Variants in CDKN2B-AS1 observed in about 807,000 individuals in gnomAD.
The protein encoded by CDKN2B-AS1 is CDKN2B and CDKN2A antisense cis and trans regulatory RNA 1, also known as CDKN2B antisense RNA 1 (non-protein coding).
intron 1 of CDKN2B-AS1, among the ~76,000 whole-genome samples, chr9:22,041,833 A>G (rs1037163180): frequency 6.6e-6 from 1 of 152,084 alleles, no homozygotes; most frequent in Non-Finnish European, 1.5e-5. Context: ...AGAAATCACC[A>G]GAAGCAATAG....
At chr9:22,124,994 C>T (rs1474307032) in intron 4 of CDKN2B-AS1, among the ~76,000 whole-genome samples, 8 of 152,240 alleles carry the variant, frequency 5.3e-5, no homozygotes. Context: ...ATTATTCAGA[C>T]CTAGTTTCTC....
chr9:22,062,259 A>T (rs1263132672), intron 4 of CDKN2B-AS1, among the ~76,000 whole-genome samples: 10 of 152,178 alleles, frequency 6.6e-5, no homozygotes. Context: ...ATGATGAATG[A>T]ATTTATTTTT....
intron 4 of CDKN2B-AS1, among the ~76,000 whole-genome samples, chr9:22,074,551 T>G (rs1309842621): frequency 6.6e-6 from 1 of 152,212 alleles, no homozygotes; most frequent in East Asian, 1.9e-4. Context: ...TTGTTTCCTT[T>G]TGTTTCCTTG....
At chr9:22,106,466 C>T (rs1343420265) in intron 4 of CDKN2B-AS1, among the ~76,000 whole-genome samples, 1 of 152,226 alleles carries the variant, frequency 6.6e-6, no homozygotes, top group East Asian at 1.9e-4. Flanking sequence ...ATCTGCCCAC[C>T]TTGGCTTCCC....
intron 1 of CDKN2B-AS1, among the ~76,000 whole-genome samples, chr9:22,026,689 T>A (rs966757949): frequency 6.6e-6 from 1 of 152,130 alleles, no homozygotes; most frequent in African/African-American, 2.4e-5. Context: ...TCCTGGGGTA[T>A]GTTTGGGGGT....
At chr9:22,111,411 G>A (rs1825801751) in intron 4 of CDKN2B-AS1, among the ~76,000 whole-genome samples, 1 of 152,148 alleles carries the variant, frequency 6.6e-6, no homozygotes, top group Non-Finnish European at 1.5e-5. Context: ...ACAAAGCTCA[G>A]TCTGACTAAT....
At chr9:22,008,959 A>G (rs369397388) in intron 1 of CDKN2B-AS1, 56 of 1,613,008 alleles carry the variant, frequency 3.5e-5, no homozygotes, top group Non-Finnish European at 4.6e-5. Context: ...CGCATTCCGC[A>G]GCCCCCAGAC....
intron 4 of CDKN2B-AS1, among the ~76,000 whole-genome samples, chr9:22,075,859 T>C (rs1824471233): frequency 2.0e-5 from 3 of 152,150 alleles, no homozygotes; most frequent in Non-Finnish European, 2.9e-5. Context: ...TTTCTGGGAC[T>C]GTTAGAGCAG....
intron 4 of CDKN2B-AS1, among the ~76,000 whole-genome samples, chr9:22,111,174 A>G (rs1041534305): frequency 2.0e-5 from 3 of 152,060 alleles, no homozygotes; most frequent in African/African-American, 7.2e-5. Flanking sequence ...TGGCGTGTAT[A>G]TGTATGTATC....
intron 4 of CDKN2B-AS1, among the ~76,000 whole-genome samples, chr9:22,104,305 T>G (rs1825584734): frequency 6.6e-6 from 1 of 152,188 alleles, no homozygotes; most frequent in African/African-American, 2.4e-5. Flanking sequence ...TGGTTAGAAG[T>G]GCAAAGGAAA....
At chr9:22,096,932 C>T (rs1427434938) in intron 4 of CDKN2B-AS1, among the ~76,000 whole-genome samples, 2 of 152,108 alleles carry the variant, frequency 1.3e-5, no homozygotes, top group Admixed American at 6.6e-5. Flanking sequence ...TGCTGGTTCC[C>T]AGAGATCCCT....
chr9:22,118,106 C>T (rs1826000627), intron 4 of CDKN2B-AS1: 1 of 152,294 alleles, frequency 6.6e-6, no homozygotes, highest in Non-Finnish European at 1.5e-5. Context: ...ATGTTTCTAA[C>T]AAAGGAGAGA....
chr9:22,104,587 C>T, intron 4 of CDKN2B-AS1, among the ~76,000 whole-genome samples: 1 of 152,194 alleles, frequency 6.6e-6, no homozygotes, highest in East Asian at 1.9e-4. Flanking sequence ...CGTACCTCTC[C>T]TACATGCTGG....
At chr9:22,067,840 C>T (rs1824123465) in intron 4 of CDKN2B-AS1, among the ~76,000 whole-genome samples, 1 of 152,174 alleles carries the variant, frequency 6.6e-6, no homozygotes, top group Admixed American at 6.5e-5. Flanking sequence ...CGTTAGGGTT[C>T]AGGTGAAGAA....
chr9:22,022,166 C>G (rs1822044100), intron 1 of CDKN2B-AS1, among the ~76,000 whole-genome samples: 1 of 151,256 alleles, frequency 6.6e-6, no homozygotes. Context: ...ATATATCTAT[C>G]AGGTTCATTT....
intron 1 of CDKN2B-AS1, among the ~76,000 whole-genome samples, chr9:22,038,064 T>C (rs1330418125): frequency 6.6e-6 from 1 of 152,046 alleles, no homozygotes; most frequent in Non-Finnish European, 1.5e-5. Flanking sequence ...TACACAATCA[T>C]ATTTCATAAT....
intron 1 of CDKN2B-AS1, among the ~76,000 whole-genome samples, chr9:21,998,030 T>C (rs918355354): frequency 2.0e-5 from 3 of 152,162 alleles, no homozygotes; most frequent in Non-Finnish European, 2.9e-5. Context: ...GCCATCTGAA[T>C]AAAAGGATAA....
chr9:22,071,085 G>A (rs1412007373), intron 4 of CDKN2B-AS1, among the ~76,000 whole-genome samples: 1 of 151,794 alleles, frequency 6.6e-6, no homozygotes, highest in African/African-American at 2.4e-5. Flanking sequence ...AGTTACAAGA[G>A]ATGTTAGTTT....
Position 22,001,347 on chromosome 9 carries a change from A to G in CDKN2B-AS1, n.29+6186A>G, listed in dbSNP as rs1311696435. Among the ~76,000 whole-genome samples, 2 of 152,162 alleles carry G rather than the reference A, an allele frequency of 1.3e-5. No homozygotes were observed. The highest frequency in any genetic ancestry group is 2.9e-5 in the Non-Finnish European group (2 of 67,996). On this transcript the variant is annotated intron_variant and non_coding_transcript_variant, in intron 1 of 4. Transcript: ENST00000650946. The surrounding 1 kb of genome is among the most constrained non-coding windows in gnomAD (Gnocchi z 4.2). ...TAATGCCAGGGGCTTCTGAGTGTGA[A>G]GTGGATTAATAGGTGTTTGGGGTCC...
Sources: allele counts gnomAD v4.1 joint callset (sites outside exome capture counted in the v4.1 genomes callset), GRCh38; gene constraint gnomAD v4.1.1; non-coding constraint Gnocchi (gnomAD v3.1); transcripts MANE v1.5; gene names NCBI Gene and HGNC (gene_info 2026-07-23, HGNC 2026-07-21).